ZNF138: variants seen among roughly 807,000 people sequenced by gnomAD.
ZNF138 encodes zinc finger protein 138 (clone pHZ-32).
ZNF138 carries 33 observed loss-of-function variants against 33.0 expected under a neutral mutation model. That is an observed-to-expected ratio of 1.00 (90% CI 0.76 to 1.34). ZNF138 has a LOEUF of 1.34. ZNF138 is among the 40% of genes most tolerant of loss of function. The pLI, the probability that ZNF138 is intolerant of heterozygous loss-of-function variation, is 0.00. For synonymous variants in ZNF138, 139 were observed against 120.4 expected, an observed-to-expected ratio of 1.15 and a Z score of -1.01; for missense variants, 360 against 370.8, an observed-to-expected ratio of 0.97 and a Z score of 0.24.
chr7:64,823,716 G>A (rs1275144250), intron 3 of ZNF138, among the ~76,000 whole-genome samples: 3 of 152,164 alleles, frequency 2.0e-5, no homozygotes, highest in Non-Finnish European at 4.4e-5. Context: ...GAGGCGGGTG[G>A]ATCACGAGGT....
chr7:64,815,752 G>T, intron 3 of ZNF138, 99 bp downstream of exon 3: 1 of 1,143,920 alleles, frequency 8.7e-7, no homozygotes, highest in South Asian at 1.5e-5. Flanking sequence ...TATTCCAAAG[G>T]AAATAGTTTC....
Position 64,832,761 on chromosome 7 carries a change from G to A in ZNF138, c.*559G>A. ...TGGAGAGAAACCTTACAAATGTGAG[G>A]AATGTGGCAAAGGTTTTAGCCAACT... On this transcript the variant is annotated 3_prime_UTR_variant, in exon 4 of 4. Transcript: ENST00000307355. 1 of 453,016 alleles carries A rather than the reference G, an allele frequency of 2.2e-6. No individual in the cohort carries two copies. Among genetic ancestry groups the A allele is most frequent in the South Asian group, 1.7e-5 (1 of 57,890 alleles). The allele number at this position is 453,016 out of a possible 1,614,324, so 28.1% of individuals were successfully genotyped here.
At chr7:64,837,269 G>T (rs1363443036), downstream of ZNF138, among the ~76,000 whole-genome samples, 1 of 152,154 alleles carries the variant, frequency 6.6e-6, no homozygotes. Flanking sequence ...GGTGTTGTAA[G>T]AATTACCATG....
At chr7:64,853,309 T>A in the ZNF138 span, 2 of 1,610,890 alleles carry the variant, frequency 1.2e-6, no homozygotes, top group African/African-American at 2.7e-5. Flanking sequence ...CGGAAGCTTT[T>A]GTCCAATTCG....
At chr7:64,858,851 T>C in the ZNF138 span, among the ~76,000 whole-genome samples, 1 of 152,248 alleles carries the variant, frequency 6.6e-6, no homozygotes, top group African/African-American at 2.4e-5. Flanking sequence ...TAGCATTCCA[T>C]TGTGTAAATA....
intron 1 of ZNF138, among the ~76,000 whole-genome samples, chr7:64,809,866 C>T (rs1173177518): frequency 3.6e-5 from 4 of 112,218 alleles, no homozygotes; most frequent in Non-Finnish European, 1.8e-5. Context: ...GATAGGCGGC[C>T]GGGCAGAGAC....
intron 1 of ZNF138, among the ~76,000 whole-genome samples, chr7:64,810,439 G>GAGAGGC (rs1482733212): frequency 8.7e-6 from 1 of 114,922 alleles, no homozygotes; most frequent in South Asian, 3.7e-4. Flanking sequence ...AGACCGTGGG[G>GAGAGGC]AGAGGGAGAG....
At chr7:64,831,204 C>T (rs1022776066) in intron 3 of ZNF138, 6 of 1,312,042 alleles carry the variant, frequency 4.6e-6, no homozygotes, top group Admixed American at 4.7e-5. Flanking sequence ...ACTTTTCTCT[C>T]TCTTCTGTGT....
At chr7:64,805,521 G>A (rs1449659539) in intron 1 of ZNF138, among the ~76,000 whole-genome samples, 1 of 152,170 alleles carries the variant, frequency 6.6e-6, no homozygotes, top group Non-Finnish European at 1.5e-5. Flanking sequence ...TCACTCCGAT[G>A]TGGCACTGGA....
intron 1 of ZNF138, among the ~76,000 whole-genome samples, chr7:64,809,651 A>G (rs1250599028): frequency 1.4e-5 from 2 of 147,380 alleles, no homozygotes; most frequent in African/African-American, 5.0e-5. Context: ...GACGCTCCTC[A>G]CTTCCCAGAT....
At chr7:64,853,701 C>A in the ZNF138 span, among the ~76,000 whole-genome samples, 151,640 of 151,644 alleles carry the variant, frequency 1, 75,818 homozygotes, top group Non-Finnish European at 1. Flanking sequence ...TACTAGTGTA[C>A]TTCAGCATAT....
rs539871899 is a variant in ZNF138 at position 64,795,787 on chromosome 7, C to T, written c.3+1216C>T. Among the ~76,000 whole-genome samples the T allele has an allele frequency of 3.9e-5, 6 of 151,930 alleles. No individual in the cohort carries two copies. In the South Asian group the frequency reaches 1.2e-3, roughly 32 times the overall value. ...TTATAAGGTAATGTGTCCTTAGTCA[C>T]TCTTCAGTTTTTTCCTTGGTCCTGG... On this transcript the variant is annotated intron_variant, in intron 1 of 3. Coordinates refer to ENST00000307355, the MANE Select transcript of ZNF138 (RefSeq NM_001271639.2).
the ZNF138 span, among the ~76,000 whole-genome samples, chr7:64,853,678 G>A: frequency 4.6e-5 from 7 of 150,914 alleles, no homozygotes; most frequent in East Asian, 1.9e-4. Context: ...GGGCATTCCC[G>A]TCTTAAAGCA....
chr7:64,835,336 T>G (rs1423034513), downstream of ZNF138: 1 of 152,120 alleles, frequency 6.6e-6, no homozygotes, highest in Non-Finnish European at 1.5e-5. Context: ...AAATCAGAGG[T>G]TGGCAGTTGG....
At chr7:64,827,873 G>T (rs1789766983) in intron 3 of ZNF138, among the ~76,000 whole-genome samples, 1 of 152,034 alleles carries the variant, frequency 6.6e-6, no homozygotes, top group Admixed American at 6.6e-5. Flanking sequence ...GTTGTATTTT[G>T]ATGTTTATAT....
At chr7:64,825,280 C>G (rs534533038) in intron 3 of ZNF138, among the ~76,000 whole-genome samples, 1 of 145,044 alleles carries the variant, frequency 6.9e-6, no homozygotes, top group Admixed American at 7.1e-5. Context: ...TCACGCCATT[C>G]TTCTGCCTCA....
At chr7:64,820,333 T>C (rs1361901802) in intron 3 of ZNF138, among the ~76,000 whole-genome samples, 1 of 151,642 alleles carries the variant, frequency 6.6e-6, no homozygotes, top group Non-Finnish European at 1.5e-5. Context: ...GGTGATATAA[T>C]ATTCTCAAAG....
In ZNF138 at chr7:64,831,970, T is replaced by C. The variant is rs373429625; in HGVS notation, c.728T>C (p.Ile243Thr). Residue 243 changes from isoleucine to threonine, a missense_variant, in exon 4 of 4, where the codon ATA (isoleucine) becomes ACA (threonine). Ile to Thr is a moderately conservative substitution (Grantham distance 89). Coordinates refer to ENST00000307355, the MANE Select transcript of ZNF138 (RefSeq NM_001271639.2). ...HQSSILTKHK[I>T]IRTGEKPYKC... ...TCCTCAATCCTTACTAAACATAAGATAATTCGTACTGGAGAAAAACCCTAT... is the reference window on the plus strand; with the variant it reads ...TCCTCAATCCTTACTAAACATAAGACAATTCGTACTGGAGAAAAACCCTAT... 33 of 1,613,074 alleles carry C rather than the reference T, an allele frequency of 2.0e-5. No individual in the cohort carries two copies. Among genetic ancestry groups the C allele is most frequent in the Non-Finnish European group, 2.8e-5 (33 of 1,179,618 alleles).
chr7:64,840,785 G>T, the ZNF138 span, among the ~76,000 whole-genome samples: 1 of 152,054 alleles, frequency 6.6e-6, no homozygotes, highest in Non-Finnish European at 1.5e-5. Context: ...CAAACATACA[G>T]AATTTTAGTT....
Sources: gnomAD v4.1 joint callset for allele counts (sites outside exome capture counted in the v4.1 genomes callset) on GRCh38, gnomAD v4.1.1 for gene constraint, MANE v1.5 for transcripts, NCBI Gene and HGNC (gene_info 2026-07-23, HGNC 2026-07-21) for gene names.